Variants in PPP1R13L observed in about 807,000 individuals in gnomAD.
PPP1R13L encodes relA-associated inhibitor.
Under a neutral mutation model 80.9 loss-of-function variants are expected in PPP1R13L, and 50 were observed. The observed-to-expected ratio is 0.62, with a 90% CI of 0.49 to 0.78. The LOEUF (loss-of-function observed/expected upper bound fraction) is 0.78, where lower values mean the gene tolerates loss of function less well. PPP1R13L is among the 30% of genes least tolerant of loss of function. The probability of loss-of-function intolerance (pLI) is 0.00; values close to 1 mark genes in which losing one functional copy is unlikely to be tolerated. For synonymous variants in PPP1R13L, 602 were observed against 534.3 expected, an observed-to-expected ratio of 1.13 and a Z score of -1.75; for missense variants, 1,200 against 1,205.9, an observed-to-expected ratio of 1.00 and a Z score of 0.07.
chr19:45,383,293 CTTTTTTTTT>C lies in PPP1R13L; in HGVS notation c.2249-576_2249-568del, dbSNP rs1164667426. Among the ~76,000 whole-genome samples, 6 of 62,840 alleles carry C rather than the reference CTTTTTTTTT, an allele frequency of 9.5e-5. No individual in the cohort carries two copies. In the East Asian group the frequency reaches 1.7e-3, roughly 18 times the overall value. 41.2% of individuals were successfully genotyped at this position (62,840 alleles called of 152,430 possible). The stretch of plus-strand genomic sequence containing the variant: ...ACAGGCGTGAGCCACCGCGCCCGGC[CTTTTTTTTT>C]TTTTTTTTTTTTTTGAGATGGAATT... On this transcript the variant is annotated intron_variant, in intron 11 of 12. Coordinates refer to ENST00000360957, the MANE Select transcript of PPP1R13L (RefSeq NM_006663.4).
chr19:45,382,752 T>C (rs1006105873), intron 11 of PPP1R13L, 26 bp from the exon 12 acceptor site: 14 of 1,612,086 alleles, frequency 8.7e-6, no homozygotes, highest in Non-Finnish European at 1.1e-5. Context: ...GAGGGGAAGG[T>C]GAGAGCCTGG....
At chr19:45,384,802 G>A (rs1191654028) in intron 11 of PPP1R13L, among the ~76,000 whole-genome samples, 4 of 151,828 alleles carry the variant, frequency 2.6e-5, no homozygotes, top group Non-Finnish European at 5.9e-5. Context: ...GCAGTGAGCC[G>A]AGATTGAGCC....
chr19:45,385,227 C>A (rs528136764), intron 11 of PPP1R13L, among the ~76,000 whole-genome samples: 2 of 152,344 alleles, frequency 1.3e-5, no homozygotes, highest in South Asian at 4.1e-4. Context: ...CAGAGCCCAC[C>A]TGCCCAGAGC....
Position 45,404,987 on chromosome 19 carries a change from G to T in PPP1R13L, c.-22+12C>A. 2.0e-6 allele frequency: 2 copies of T among 985,766 alleles called. No homozygotes were observed. The highest frequency in any genetic ancestry group is 3.5e-5 in the African/African-American group (2 of 57,340). 61.1% of individuals were successfully genotyped at this position (985,766 alleles called of 1,614,324 possible). On this transcript the variant is annotated intron_variant, in intron 1 of 12. Transcript: ENST00000360957. ...TTTCAGGGCCTCTGGTCCCCAGGAG[G>T]GTGAAACTCACGGATCCGGGCAGAT...
upstream of PPP1R13L, among the ~76,000 whole-genome samples, chr19:45,405,433 C>G (rs1187251845): frequency 6.6e-6 from 1 of 152,154 alleles, no homozygotes; most frequent in Non-Finnish European, 1.5e-5. Flanking sequence ...CGATAAAAAG[C>G]GCGGGTTGGA....
chr19:45,387,931 G>C (rs984665253), intron 8 of PPP1R13L, among the ~76,000 whole-genome samples: 17 of 152,138 alleles, frequency 1.1e-4, no homozygotes, highest in African/African-American at 3.6e-4. Context: ...TTGGGAGGCT[G>C]AGGAGAGTGG....
At chr19:45,385,469 C>T in intron 11 of PPP1R13L, 93 bp downstream of exon 11, 1 of 1,370,690 alleles carries the variant, frequency 7.3e-7, no homozygotes, top group South Asian at 1.4e-5. Context: ...GTACAGCCCC[C>T]ATACCCTTCT....
upstream of PPP1R13L, among the ~76,000 whole-genome samples, chr19:45,405,905 C>T (rs1973341483): frequency 6.6e-6 from 1 of 152,236 alleles, no homozygotes; most frequent in Non-Finnish European, 1.5e-5. Flanking sequence ...TGTTTACACG[C>T]TCCCTGGGGC....
At chr19:45,389,713 C>G (rs540256535) in intron 8 of PPP1R13L, among the ~76,000 whole-genome samples, 1 of 152,110 alleles carries the variant, frequency 6.6e-6, no homozygotes, top group Non-Finnish European at 1.5e-5. Flanking sequence ...GGGAGACTGA[C>G]GCAGGAGAAT....
At chr19:45,395,291 A>G (rs1240562499) in intron 7 of PPP1R13L, 145 bp downstream of exon 7, 8 of 1,184,002 alleles carry the variant, frequency 6.8e-6, no homozygotes, top group Non-Finnish European at 8.4e-6. Flanking sequence ...CAAATTCCCA[A>G]ACTCACCTGG....
chr19:45,394,212 G>T (rs1973035681), intron 7 of PPP1R13L, among the ~76,000 whole-genome samples: 1 of 151,028 alleles, frequency 6.6e-6, no homozygotes, highest in South Asian at 2.1e-4. Context: ...GCTCACTGCA[G>T]CCTGGATCTC....
intron 1 of PPP1R13L, among the ~76,000 whole-genome samples, chr19:45,399,133 C>G (rs1185778774): frequency 6.6e-6 from 1 of 150,934 alleles, no homozygotes; most frequent in African/African-American, 2.4e-5. Flanking sequence ...TTAGTAGAGA[C>G]GGGGTTTCAC....
chr19:45,388,440 T>C (rs1047445746), intron 8 of PPP1R13L, among the ~76,000 whole-genome samples: 11 of 151,778 alleles, frequency 7.2e-5, no homozygotes, highest in African/African-American at 2.4e-4. Context: ...CTGGGAGTGG[T>C]GGTGCATGCC....
Position 45,385,574 on chromosome 19 carries a change from T to C in PPP1R13L, c.2236A>G (p.Thr746Ala), listed in dbSNP as rs754921506. ...CCCTGCCTCGCACCTGCCAGGTAGG[T>C]GGCGCAGTCAGCATAACCCTCGCGG... is the stretch of plus-strand genomic sequence containing the variant. ...PYREGYADCA[T>A]YLADVEQSMG... Residue 746 changes from threonine to alanine, a missense_variant, in exon 11 of 13, where the codon ACC becomes GCC. This residue lies in a region of PPP1R13L where 165 missense variants were observed against 177.1 expected (regional missense o/e 0.93). Transcript: ENST00000360957. 1 of 1,611,858 alleles carries C rather than the reference T, an allele frequency of 6.2e-7. No homozygotes were observed. Among genetic ancestry groups the C allele is most frequent in the South Asian group, 1.1e-5 (1 of 90,980 alleles).
At position 45,392,158 on chromosome 19, in the gene PPP1R13L, C is replaced by A; in HGVS notation, c.1537G>T (p.Val513Leu). Residue 513 changes from valine to leucine, a missense_variant, in exon 8 of 13, where the codon GTG becomes TTG. By Grantham distance (32) the Val-to-Leu change is conservative (BLOSUM62 1). Around this residue, in one of 5 missense-constraint regions of PPP1R13L, gnomAD observed 53 missense variants for 96.5 expected, o/e 0.55. Coordinates refer to ENST00000360957, the MANE Select transcript of PPP1R13L (RefSeq NM_006663.4). Reference sequence around the variant, plus strand: ...AGGGGCCGGGGAATTTCCGCCAACACCCGTGCCACCTCCTCCAGCTCGGGC... The same window carrying A: ...AGGGGCCGGGGAATTTCCGCCAACAACCGTGCCACCTCCTCCAGCTCGGGC... ...SVPELEEVAR[V>L]LAEIPRPLKR... 1 of 1,596,102 alleles carries A rather than the reference C, an allele frequency of 6.3e-7. No homozygotes were observed. Among genetic ancestry groups the A allele is most frequent in the Non-Finnish European group, 8.5e-7 (1 of 1,169,724 alleles).
chr19:45,398,441 G>T, intron 1 of PPP1R13L, 102 bp from the exon 2 acceptor site: 1 of 1,160,102 alleles, frequency 8.6e-7, no homozygotes, highest in Non-Finnish European at 1.2e-6. Flanking sequence ...CCTCAACTCA[G>T]TTCCTTCCCC....
chr19:45,396,848 G>A lies in PPP1R13L; in HGVS notation c.409C>T (p.Arg137Cys), dbSNP rs766358119. The change falls in exon 4 of 13, where the codon CGC (arginine) becomes TGC (cysteine). Residue 137 changes from arginine to cysteine, a missense_variant. Arg to Cys is a radical substitution (Grantham distance 180). Around this residue, in one of 5 missense-constraint regions of PPP1R13L, gnomAD observed 764 missense variants for 714.5 expected, o/e 1.07. Transcript: ENST00000360957. This position sits in a 1 kb window ranked among gnomAD's most constrained non-coding sequence, Gnocchi z 5.3. ...GCGCGGGGCCGGGGCGAGGTCGCGCGGTCCAGGCTGCCGTAGGCGTCCGGC... is the reference window on the plus strand; with the variant it reads ...GCGCGGGGCCGGGGCGAGGTCGCGCAGTCCAGGCTGCCGTAGGCGTCCGGC... ...LQPDAYGSLD[R>C]ATSPRPRAFD... The A allele has an allele frequency of 4.0e-6, 6 of 1,517,600 alleles. No individual in the cohort carries two copies. In the Admixed American group the frequency reaches 6.4e-5, roughly 16 times the overall value. The allele number at this position is 1,517,600 out of a possible 1,614,324, so 94.0% of individuals were successfully genotyped here. A position where few individuals can be genotyped will look rare whatever the true frequency, so the allele number is the denominator to read the frequency against.
chr19:45,399,154 A>G (rs1002152139), intron 1 of PPP1R13L, among the ~76,000 whole-genome samples: 1 of 149,240 alleles, frequency 6.7e-6, no homozygotes, highest in African/African-American at 2.5e-5. Context: ...CGTGTCAGCC[A>G]GGATGGTCTC....
intron 3 of PPP1R13L, among the ~76,000 whole-genome samples, chr19:45,397,474 C>CTTTCTTTCTTTG (rs1973133190): frequency 1.1e-5 from 1 of 91,726 alleles, no homozygotes; most frequent in Non-Finnish European, 1.8e-5. Flanking sequence ...CTCTCTCTCT[C>CTTTCTTTCTTTG]TTTCTTTCTT....
Sources: allele counts gnomAD v4.1 joint callset (sites outside exome capture counted in the v4.1 genomes callset), GRCh38; gene constraint gnomAD v4.1.1; regional missense constraint gnomAD v4.1.1; non-coding constraint Gnocchi (gnomAD v3.1); transcripts MANE v1.5; gene names NCBI Gene and HGNC (gene_info 2026-07-23, HGNC 2026-07-21).